MGAM2: variants seen among roughly 807,000 people sequenced by gnomAD.
MGAM2 encodes probable maltase-glucoamylase 2.
MGAM2 carries 98 observed loss-of-function variants against 96.1 expected under a neutral mutation model. The observed-to-expected ratio is 1.02, with a 90% CI of 0.87 to 1.21. The LOEUF is 1.21. Ranked by LOEUF, MGAM2 falls within the 50% of genes most tolerant of loss-of-function variation. The pLI is 0.00. For missense variants in MGAM2, 2,055 were observed against 1,182.4 expected (o/e 1.74, Z -10.82); for synonymous variants, 749 against 414.8 (o/e 1.81, Z -9.79).
chr7:142,170,743 G>A (rs565421715), intron 27 of MGAM2, among the ~76,000 whole-genome samples: 1 of 152,276 alleles, frequency 6.6e-6, no homozygotes, highest in South Asian at 2.1e-4. Flanking sequence ...TGAAAGTCTG[G>A]ATTTTGCCTG....
At chr7:142,176,257 C>A (rs541434504) in intron 32 of MGAM2, among the ~76,000 whole-genome samples, 1 of 152,272 alleles carries the variant, frequency 6.6e-6, no homozygotes, top group South Asian at 2.1e-4. Flanking sequence ...CCTAAACTTA[C>A]AAACAATTGA....
Position 142,220,449 on chromosome 7 carries a change from A to C in MGAM2, c.5938A>C (p.Thr1980Pro), listed in dbSNP as rs752974664. Residue 1980 changes from threonine to proline, a missense_variant, in exon 48 of 48, where the codon ACA becomes CCA. Coordinates refer to ENST00000477922, the MANE Select transcript of MGAM2 (RefSeq NM_001293626.2). ...TAGCACTAATGCTACTATTCCTATC[A>C]CAACCACACCTTTTGCAACAAGTAC... ...TASTNATIPI[T>P]TTPFATSTIS... The C allele has an allele frequency of 5.7e-5, 40 of 702,398 alleles. No individual in the cohort carries two copies. Among genetic ancestry groups the C allele is most frequent in the South Asian group, 1.5e-5 (1 of 67,602 alleles). The allele number at this position is 702,398 out of a possible 1,614,324, so 43.5% of individuals were successfully genotyped here.
Position 142,166,762 on chromosome 7 carries a change from T to TA in MGAM2, c.2809-499dup, listed in dbSNP as rs147358638. On this transcript the variant is annotated intron_variant, in intron 25 of 47. Transcript: ENST00000477922. ...ATTATAGAAGGTCAGTGTGTGTGTTTAAAAAAATGGATGTGTTCATTTGCT... is the reference window on the plus strand; with the variant it reads ...ATTATAGAAGGTCAGTGTGTGTGTTTAAAAAAAATGGATGTGTTCATTTGCT... Among the ~76,000 whole-genome samples the TA allele has an allele frequency of 5.3e-3, 812 of 152,202 alleles. 2 individuals are homozygous for TA. Among genetic ancestry groups the TA allele is most frequent in the South Asian group, 0.033 (159 of 4,820 alleles).
rs1286235313 is a variant in MGAM2 at position 142,164,918 on chromosome 7, A to G, written c.2547A>G (p.Thr849=). 1.4e-6 allele frequency: 1 copy of G among 702,878 alleles called. No homozygotes were observed. The highest frequency in any genetic ancestry group is 1.5e-5 in the South Asian group (1 of 67,576). The allele number at this position is 702,878 out of a possible 1,614,324, so 43.5% of individuals were successfully genotyped here. A position where few individuals can be genotyped will look rare whatever the true frequency, so the allele number is the denominator to read the frequency against. The change falls in exon 24 of 48, where the codon ACA becomes ACG. Residue 849 remains threonine, a synonymous_variant. Transcript: ENST00000477922. ...TGGACACTGACAACCTCATGTTCAC[A>G]GATATCACAATCTTGGGAATGGACA... ...NYMDTDNLMF[T]DITILGMDKQ...
At chr7:142,138,304 A>G (rs917592724) in intron 9 of MGAM2, among the ~76,000 whole-genome samples, 1 of 151,552 alleles carries the variant, frequency 6.6e-6, no homozygotes, top group Non-Finnish European at 1.5e-5. Flanking sequence ...AATGAATGTC[A>G]CCAGTTTCCC....
chr7:142,124,118 AC>A (rs904043004), intron 3 of MGAM2, among the ~76,000 whole-genome samples: 21 of 151,612 alleles, frequency 1.4e-4, no homozygotes, highest in African/African-American at 4.6e-4. Flanking sequence ...GATTATAGGC[AC>A]CCGCTATCAT....
At position 142,191,700 on chromosome 7, in the gene MGAM2, G is replaced by T. The variant is rs1017773897; in HGVS notation, c.4346+2195G>T. Among the ~76,000 whole-genome samples, 13 of 151,582 alleles carry T rather than the reference G, an allele frequency of 8.6e-5. No homozygotes were observed. The East Asian group carries it at 2.5e-3, about 29-fold the overall frequency. On this transcript the variant is annotated intron_variant, in intron 37 of 47. Coordinates refer to ENST00000477922, the MANE Select transcript of MGAM2 (RefSeq NM_001293626.2). ...TTCAAGATTGTTTTAGCTACTATGGGTCCCTTGCATTTGATATGAATTTTG... is the reference window on the plus strand; with the variant it reads ...TTCAAGATTGTTTTAGCTACTATGGTTCCCTTGCATTTGATATGAATTTTG...
chr7:142,195,214 T>G (rs1326283906), intron 37 of MGAM2, among the ~76,000 whole-genome samples: 3 of 152,074 alleles, frequency 2.0e-5, no homozygotes, highest in Non-Finnish European at 2.9e-5. Flanking sequence ...TTTATTTTTT[T>G]GTAGAGACAG....
chr7:142,118,412 T>G (rs1794446791), intron 2 of MGAM2, among the ~76,000 whole-genome samples: 1 of 152,138 alleles, frequency 6.6e-6, no homozygotes, highest in Non-Finnish European at 1.5e-5. Flanking sequence ...GCCGTAAAGA[T>G]AGTGATAGTG....
intron 7 of MGAM2, among the ~76,000 whole-genome samples, chr7:142,134,397 G>A (rs533042858): frequency 6.6e-6 from 1 of 152,008 alleles, no homozygotes; most frequent in Non-Finnish European, 1.5e-5. Context: ...CACTTTTAAT[G>A]GGAAATACAA....
chr7:142,165,289 T>C (rs1259042307), intron 24 of MGAM2, among the ~76,000 whole-genome samples: 1 of 152,150 alleles, frequency 6.6e-6, no homozygotes, highest in Non-Finnish European at 1.5e-5. Flanking sequence ...AATGAGACAC[T>C]CTGATCCCAG....
intron 45 of MGAM2, among the ~76,000 whole-genome samples, chr7:142,207,637 G>A (rs554242531): frequency 1.3e-5 from 2 of 152,072 alleles, no homozygotes; most frequent in East Asian, 3.9e-4. Flanking sequence ...CACCATGTTA[G>A]CCAGGACGGT....
At chr7:142,201,879 A>G (rs887180510) in intron 45 of MGAM2, among the ~76,000 whole-genome samples, 2 of 152,226 alleles carry the variant, frequency 1.3e-5, no homozygotes, top group African/African-American at 2.4e-5. Context: ...ATTCATTTTA[A>G]TGGTCAAAAA....
chr7:142,159,246 G>A (rs867146785), intron 19 of MGAM2, 41 bp from the exon 20 acceptor site: 1 of 700,160 alleles, frequency 1.4e-6, no homozygotes, highest in African/African-American at 1.7e-5. Context: ...AAACTGTAGA[G>A]AGGGGTATGC....
Position 142,167,272 on chromosome 7 carries a change from C to A in MGAM2, c.2813C>A (p.Thr938Lys). The A allele has an allele frequency of 1.4e-6, 1 of 690,902 alleles. No homozygotes were observed. 42.8% of individuals were successfully genotyped at this position (690,902 alleles called of 1,614,324 possible). The part of the protein sequence containing the change: ...CRQRGCLWED[T>K]STPGVPTCYY... ...GACTTTCTCCTGTTATTCCAGGACA[C>A]ATCTACTCCTGGAGTGCCCACCTGT... Residue 938 changes from threonine to lysine, a missense_variant, in exon 26 of 48, where the codon ACA (threonine) becomes AAA (lysine). Coordinates refer to ENST00000477922, the MANE Select transcript of MGAM2 (RefSeq NM_001293626.2).
At chr7:142,149,166 T>C (rs909737869) in intron 15 of MGAM2, among the ~76,000 whole-genome samples, 2 of 151,588 alleles carry the variant, frequency 1.3e-5, no homozygotes, top group African/African-American at 4.8e-5. Flanking sequence ...GAGACGGAGG[T>C]TGCAGTGAGC....
At chr7:142,202,254 C>A (rs1041067572) in intron 45 of MGAM2, among the ~76,000 whole-genome samples, 3 of 152,072 alleles carry the variant, frequency 2.0e-5, no homozygotes, top group African/African-American at 7.2e-5. Flanking sequence ...GGTTCCAGGA[C>A]CCCTGCGGAT....
intron 7 of MGAM2, among the ~76,000 whole-genome samples, chr7:142,135,680 G>C (rs62479415): frequency 1.3e-5 from 2 of 150,856 alleles, no homozygotes. Context: ...AACGTTCTCC[G>C]TATTCTAATC....
intron 3 of MGAM2, among the ~76,000 whole-genome samples, chr7:142,124,374 T>C (rs999683502): frequency 1.3e-5 from 2 of 152,162 alleles, no homozygotes; most frequent in African/African-American, 4.8e-5. Context: ...CTGTAAATTA[T>C]GTCTTTATAG....
Sources: gnomAD v4.1 joint callset for allele counts (sites outside exome capture counted in the v4.1 genomes callset) on GRCh38, gnomAD v4.1.1 for gene constraint, MANE v1.5 for transcripts, NCBI Gene and HGNC (gene_info 2026-07-23, HGNC 2026-07-21) for gene names.